Variants in PCNX1 observed in about 807,000 individuals in gnomAD.
PCNX1 encodes the protein pecanex-like protein 1.
In PCNX1, 78 loss-of-function variants were observed where a neutral mutation model predicts 242.2. The observed-to-expected ratio is 0.32, with a 90% confidence interval of 0.27 to 0.39. The LOEUF (loss-of-function observed/expected upper bound fraction) is 0.39. Among genes scored for constraint, PCNX1 ranks in the 10% least tolerant of loss-of-function variants. The pLI, the probability that PCNX1 is intolerant of heterozygous loss-of-function variation, is 1.00. For missense variants in PCNX1, 2,581 were observed against 2,856.5 expected, an observed-to-expected ratio of 0.90 and a Z score of 2.20; for synonymous variants, 1,024 against 1,032.9, an observed-to-expected ratio of 0.99 and a Z score of 0.17.
At chr14:70,975,212 TAAAG>T (rs764773830) in intron 5 of PCNX1, among the ~76,000 whole-genome samples, 18 of 152,314 alleles carry the variant, frequency 1.2e-4, no homozygotes, top group Non-Finnish European at 1.9e-4. Context: ...TTATTAGAGA[TAAAG>T]AGTTTTTAGA....
intron 2 of PCNX1, among the ~76,000 whole-genome samples, chr14:70,958,766 A>C (rs1171043479): frequency 6.6e-6 from 1 of 152,114 alleles, no homozygotes; most frequent in African/African-American, 2.4e-5. Context: ...GCTAATCTCA[A>C]TGACCAGAAC....
intron 6 of PCNX1, among the ~76,000 whole-genome samples, chr14:70,982,642 G>A (rs2058871653): frequency 6.6e-6 from 1 of 152,144 alleles, no homozygotes; most frequent in South Asian, 2.1e-4. Flanking sequence ...AATAGGTTTG[G>A]CAAAATTATC....
rs1280159066 is a variant in PCNX1 at position 70,978,476 on chromosome 14, A to G, written c.2139A>G (p.Ile713Met). Reference protein sequence around the residue: ...DSNRLMAPESIKPLTTSKSDL... With the variant: ...DSNRLMAPESMKPLTTSKSDL... ...ACAGGTTAATGGCACCTGAAAGTAT[A>G]AAGCCCTTAACCACTTCAAAATCAG... The change falls in exon 6 of 36, where the codon ATA becomes ATG. Residue 713 changes from isoleucine to methionine, a missense_variant. By Grantham distance (10) the Ile-to-Met change is conservative. Around this residue, in one of 9 missense-constraint regions of PCNX1, gnomAD observed 1,204 missense variants for 1,216.7 expected, o/e 0.99. Transcript: ENST00000304743. The G allele has an allele frequency of 1.2e-6, 2 of 1,614,210 alleles. No individual in the cohort carries two copies. Among genetic ancestry groups the G allele is most frequent in the Non-Finnish European group, 1.7e-6 (2 of 1,180,014 alleles).
chr14:70,967,090 A>G lies in PCNX1; in HGVS notation c.469-1108A>G, dbSNP rs553379806. On this transcript the variant is annotated intron_variant, in intron 3 of 35. Transcript: ENST00000304743. ...AACAGATATATGTATGCATATTTTT[A>G]TTTACTTTTTCACTGGCATGTAACT... Among the ~76,000 whole-genome samples the G allele has an allele frequency of 3.9e-5, 6 of 152,264 alleles. No individual in the cohort carries two copies. In the East Asian group the frequency reaches 1.2e-3, roughly 29 times the overall value.
rs761717924 is a variant in PCNX1 at position 71,103,454 on chromosome 14, A to G, written c.5880A>G (p.Leu1960=). The part of the protein sequence containing the change: ...WAGQQQELVF[L]RNRNPERGSI... ...GGCAACAGCAGGAGCTTGTTTTTCTACGTAACCGTAACCCAGAGAGAGGTA... is the reference window on the plus strand; with the variant it reads ...GGCAACAGCAGGAGCTTGTTTTTCTGCGTAACCGTAACCCAGAGAGAGGTA... The change falls in exon 32 of 36, where the codon CTA becomes CTG. Residue 1960 remains leucine, a synonymous_variant. Coordinates refer to ENST00000304743, the MANE Select transcript of PCNX1 (RefSeq NM_014982.3). 8 of 1,614,132 alleles carry G rather than the reference A, an allele frequency of 5.0e-6. No homozygotes were observed. The highest frequency in any genetic ancestry group is 1.3e-5 in the African/African-American group (1 of 75,024).
chr14:71,057,497 C>T lies in PCNX1; in HGVS notation c.4637-12C>T, dbSNP rs1402560197. 1 of 1,572,074 alleles carries T rather than the reference C, an allele frequency of 6.4e-7. No homozygotes were observed. The highest frequency in any genetic ancestry group is 1.8e-5 in the Admixed American group (1 of 56,718). On this transcript the variant is annotated splice_polypyrimidine_tract_variant and intron_variant, in intron 25 of 35. Coordinates refer to ENST00000304743, the MANE Select transcript of PCNX1 (RefSeq NM_014982.3). ...GGTTAAATTTAACTTTTTTTAAAAT[C>T]TCTTTTTATAGGATCAGATGACAAC...
chr14:70,977,337 G>T lies in PCNX1; in HGVS notation c.1000G>T (p.Gly334Cys). Residue 334 changes from glycine to cysteine, a missense_variant, in exon 6 of 36, where the codon GGT becomes TGT. By Grantham distance (159) the Gly-to-Cys change is radical. Coordinates refer to ENST00000304743, the MANE Select transcript of PCNX1 (RefSeq NM_014982.3). ...GSKESLVENS[G>C]LSGEFQLAGD... ...CAAAGAATCCTTGGTGGAAAATTCT[G>T]GTTTATCTGGGGAATTTCAGCTTGC... The T allele has an allele frequency of 1.2e-6, 2 of 1,614,104 alleles. No individual in the cohort carries two copies. The highest frequency in any genetic ancestry group is 1.7e-6 in the Non-Finnish European group (2 of 1,180,014).
chr14:70,948,773 GTA>G (rs1484243109), intron 2 of PCNX1, among the ~76,000 whole-genome samples: 5 of 143,464 alleles, frequency 3.5e-5, no homozygotes, highest in African/African-American at 1.3e-4. Flanking sequence ...ACACATATAT[GTA>G]TAGTGTATAT....
At chr14:70,915,176 G>A (rs1004538653) in intron 1 of PCNX1, among the ~76,000 whole-genome samples, 2 of 152,016 alleles carry the variant, frequency 1.3e-5, no homozygotes, top group Non-Finnish European at 2.9e-5. Flanking sequence ...CCATTCCCGT[G>A]TAGATGAGCA....
At chr14:71,035,993 A>G (rs978751195) in intron 18 of PCNX1, 72 bp from the exon 19 acceptor site, 2 of 1,004,842 alleles carry the variant, frequency 2.0e-6, no homozygotes, top group African/African-American at 3.3e-5. Context: ...AAACTTTGCC[A>G]ATTGGGAATA....
intron 18 of PCNX1, among the ~76,000 whole-genome samples, chr14:71,035,139 G>A (rs138528018): frequency 1.8e-3 from 277 of 152,140 alleles, no homozygotes; most frequent in African/African-American, 6.4e-3. Flanking sequence ...TGAGCTCAGG[G>A]GTTCTGAGCT....
rs574897750 is a variant in PCNX1, at chr14:70,997,762, T to C, written c.2629+1837T>C. On this transcript the variant is annotated intron_variant, in intron 8 of 35. Coordinates refer to ENST00000304743, the MANE Select transcript of PCNX1 (RefSeq NM_014982.3). ...TGCCTATAAAGTTGGCCAAAAAAGA[T>C]TCTGAAAATGAACTGCAACTGAACT... 3.9e-5 allele frequency among the ~76,000 whole-genome samples: 6 copies of C among 152,290 alleles called. No homozygotes were observed. In the South Asian group the frequency reaches 1.2e-3, roughly 32 times the overall value.
chr14:70,933,721 G>T (rs1273005002), intron 1 of PCNX1, among the ~76,000 whole-genome samples: 1 of 152,108 alleles, frequency 6.6e-6, no homozygotes, highest in Non-Finnish European at 1.5e-5. Context: ...AAAATGAGAA[G>T]AATAATAGAG....
At chr14:71,044,988 T>C (rs1387749427) in intron 19 of PCNX1, 145 bp from the exon 20 acceptor site, 50 of 598,274 alleles carry the variant, frequency 8.4e-5, no homozygotes, top group Non-Finnish European at 1.7e-5. Context: ...AATTTAGAAA[T>C]GTTAACTGTA....
chr14:71,016,131 A>G (rs2059957591), intron 11 of PCNX1, among the ~76,000 whole-genome samples: 1 of 152,246 alleles, frequency 6.6e-6, no homozygotes, highest in South Asian at 2.1e-4. Context: ...GGTAAAGTAG[A>G]CTTCAGAACA....
intron 12 of PCNX1, among the ~76,000 whole-genome samples, chr14:71,021,638 T>G (rs145637260): frequency 6.6e-6 from 1 of 152,210 alleles, no homozygotes; most frequent in Admixed American, 6.5e-5. Flanking sequence ...ACTGAAATTA[T>G]AGTCTTTGTG....
intron 26 of PCNX1, among the ~76,000 whole-genome samples, chr14:71,061,510 T>G (rs1462051223): frequency 6.6e-6 from 1 of 152,196 alleles, no homozygotes; most frequent in African/African-American, 2.4e-5. Flanking sequence ...ATCCAACCAA[T>G]GGATCAAGAA....
chr14:70,914,436 T>C (rs1034290576), intron 1 of PCNX1, among the ~76,000 whole-genome samples: 2 of 152,202 alleles, frequency 1.3e-5, no homozygotes, highest in Admixed American at 6.5e-5. Flanking sequence ...GTTCTGTCTT[T>C]TGTGACGTAA....
At chr14:70,984,507 C>G (rs1340585416) in intron 6 of PCNX1, among the ~76,000 whole-genome samples, 1 of 151,172 alleles carries the variant, frequency 6.6e-6, no homozygotes, top group Non-Finnish European at 1.5e-5. Flanking sequence ...CTGCCTCAGC[C>G]TCCCGAGTAG....
Sources: allele counts gnomAD v4.1 joint callset (sites outside exome capture counted in the v4.1 genomes callset), GRCh38; gene constraint gnomAD v4.1.1; regional missense constraint gnomAD v4.1.1; transcripts MANE v1.5; gene names NCBI Gene and HGNC (gene_info 2026-07-23, HGNC 2026-07-21).